KATNAL2: variants seen among roughly 807,000 people sequenced by gnomAD.
KATNAL2 encodes katanin catalytic subunit A1 like 2.
KATNAL2 carries 52 observed loss-of-function variants against 76.3 expected under a neutral mutation model. That is an observed-to-expected ratio of 0.68 (90% CI 0.55 to 0.86). The LOEUF (loss-of-function observed/expected upper bound fraction) is 0.86, where lower values mean the gene tolerates loss of function less well. Among genes scored for constraint, KATNAL2 ranks in the 40% least tolerant of loss-of-function variants. The pLI, the probability that KATNAL2 is intolerant of heterozygous loss-of-function variation, is 0.00. For synonymous variants in KATNAL2, 243 were observed against 244.2 expected (o/e 1.00, Z 0.05); for missense variants, 660 against 668.9 (o/e 0.99, Z 0.15).
intron 15 of KATNAL2, among the ~76,000 whole-genome samples, chr18:47,087,279 C>A (rs1714143038): frequency 6.6e-6 from 1 of 152,066 alleles, no homozygotes; most frequent in Non-Finnish European, 1.5e-5. Context: ...TTCACAATAG[C>A]AAAGACATGG....
chr18:47,100,813 T>A (rs1201050743), intron 17 of KATNAL2, 53 bp from the exon 18 acceptor site: 1 of 1,605,906 alleles, frequency 6.2e-7, no homozygotes, highest in Admixed American at 1.7e-5. Flanking sequence ...TTCAAGAGCA[T>A]TGATCACCAA....
At chr18:47,067,596 C>T (rs1044388899) in intron 11 of KATNAL2, among the ~76,000 whole-genome samples, 2 of 152,162 alleles carry the variant, frequency 1.3e-5, no homozygotes, top group Non-Finnish European at 2.9e-5. Flanking sequence ...CCAGCAAAGC[C>T]AGCCTGTTGT....
chr18:46,941,643 G>C (rs1390944484), intron 1 of KATNAL2, among the ~76,000 whole-genome samples: 2 of 152,222 alleles, frequency 1.3e-5, no homozygotes, highest in East Asian at 3.9e-4. Flanking sequence ...CTGTTGAGTA[G>C]TTGGGACTAT....
intron 15 of KATNAL2, among the ~76,000 whole-genome samples, chr18:47,087,099 T>C (rs780657496): frequency 1.3e-5 from 2 of 152,244 alleles, no homozygotes; most frequent in East Asian, 3.8e-4. Context: ...ACCTTTCTGG[T>C]GAAAATGGTT....
intron 4 of KATNAL2, among the ~76,000 whole-genome samples, chr18:47,048,695 C>A (rs922237480): frequency 6.6e-6 from 1 of 152,124 alleles, no homozygotes; most frequent in Non-Finnish European, 1.5e-5. Flanking sequence ...CTCTATTCAC[C>A]AGGCACTTAA....
At chr18:47,058,398 A>C (rs769315635) in intron 7 of KATNAL2, 46 bp downstream of exon 7, 2 of 1,057,156 alleles carry the variant, frequency 1.9e-6, no homozygotes, top group Non-Finnish European at 2.9e-6. Flanking sequence ...ACTTGGCTGA[A>C]AAATAGCCCT....
chr18:46,946,197 A>G lies in KATNAL2; in HGVS notation c.-369A>G. 1 of 1,029,544 alleles carries G rather than the reference A, an allele frequency of 9.7e-7. No homozygotes were observed. The highest frequency in any genetic ancestry group is 3.5e-5 in the South Asian group (1 of 28,970). The allele number at this position is 1,029,544 out of a possible 1,614,324, so 63.8% of individuals were successfully genotyped here. On this transcript the variant is annotated 5_prime_UTR_variant, in exon 2 of 18. Transcript: ENST00000683218. ...GAGAGACAGAAGGGAAAGACATTGA[A>G]GAAACAGACTAGTTAACACATGAAA...
intron 3 of KATNAL2, 66 bp from the exon 4 acceptor site, chr18:47,046,391 G>A: frequency 9.3e-7 from 1 of 1,073,216 alleles, no homozygotes; most frequent in Non-Finnish European, 1.4e-6. Flanking sequence ...TACCTTCCAG[G>A]GTTTATTGCC....
intron 1 of KATNAL2, chr18:46,920,038 C>A (rs763810230): frequency 5.4e-5 from 69 of 1,287,670 alleles, no homozygotes; most frequent in South Asian, 1.9e-4. Flanking sequence ...AAAAGAAAAG[C>A]AAAGCCCCAC....
In KATNAL2 at chr18:47,054,450, G is replaced by T; in HGVS notation, c.332+12G>T. Reference sequence around the variant, plus strand: ...GGGAAGACCAGAAGGTAAAGTGAATGGTAATTCTTCTTAATCGACTCGGCT... The same window carrying T: ...GGGAAGACCAGAAGGTAAAGTGAATTGTAATTCTTCTTAATCGACTCGGCT... On this transcript the variant is annotated intron_variant, in intron 6 of 17. Coordinates refer to ENST00000683218, the MANE Select transcript of KATNAL2 (RefSeq NM_001387690.1). The T allele has an allele frequency of 6.2e-7, 1 of 1,612,524 alleles. No homozygotes were observed. Among genetic ancestry groups the T allele is most frequent in the Non-Finnish European group, 8.5e-7 (1 of 1,178,618 alleles).
chr18:46,926,505 C>G (rs979526659), intron 1 of KATNAL2, among the ~76,000 whole-genome samples: 131 of 152,224 alleles, frequency 8.6e-4, no homozygotes, highest in African/African-American at 2.8e-3. Flanking sequence ...TTACTTCCAA[C>G]TATGTGGTCA....
intron 12 of KATNAL2, 41 bp from the exon 13 acceptor site, chr18:47,069,441 G>A (rs2061920857): frequency 6.8e-7 from 1 of 1,480,348 alleles, no homozygotes; most frequent in South Asian, 1.2e-5. Context: ...CAGGGGGATG[G>A]AGTTGAAATG....
intron 3 of KATNAL2, among the ~76,000 whole-genome samples, chr18:46,967,984 T>C (rs2060181075): frequency 8.4e-6 from 1 of 119,392 alleles, no homozygotes; most frequent in East Asian, 2.2e-4. Context: ...TGGAGTGCAG[T>C]GGAATGAGGA....
At chr18:47,070,126 C>T (rs12326600) in intron 13 of KATNAL2, among the ~76,000 whole-genome samples, 9,847 of 143,870 alleles carry the variant, frequency 0.068, 415 homozygotes, top group East Asian at 0.12. Context: ...GACGAAGTCT[C>T]GCTCTTGTCC....
At chr18:46,932,237 A>AT (rs995486526) in intron 1 of KATNAL2, among the ~76,000 whole-genome samples, 5 of 152,204 alleles carry the variant, frequency 3.3e-5, no homozygotes, top group African/African-American at 1.2e-4. Context: ...CAAGAAAAGC[A>AT]TTAGAAGACA....
At chr18:47,051,160 C>A (rs2061329644) in intron 4 of KATNAL2, among the ~76,000 whole-genome samples, 1 of 152,144 alleles carries the variant, frequency 6.6e-6, no homozygotes, top group Non-Finnish European at 1.5e-5. Context: ...TCTAGCGGCT[C>A]CTCCTGCCAA....
rs150582201 is a variant in KATNAL2, at chr18:47,059,604, A to G, written c.499A>G (p.Ile167Val). Residue 167 changes from isoleucine to valine, a missense_variant, in exon 8 of 18, where the codon ATA becomes GTA. Ile to Val is a conservative substitution (Grantham distance 29). Coordinates refer to ENST00000683218, the MANE Select transcript of KATNAL2 (RefSeq NM_001387690.1). ...GGAAAGTGCCAACTTCGGCCTACATATATCAAGAATCCGTAAAGACAGTGG... is the reference window on the plus strand; with the variant it reads ...GGAAAGTGCCAACTTCGGCCTACATGTATCAAGAATCCGTAAAGACAGTGG... ...RLESANFGLH[I>V]SRIRKDSGEE... The G allele has an allele frequency of 1.7e-5, 28 of 1,613,702 alleles. No homozygotes were observed. Among genetic ancestry groups the G allele is most frequent in the Non-Finnish European group, 2.3e-5 (27 of 1,179,698 alleles).
At chr18:46,919,986 T>C (rs1271095172) in intron 1 of KATNAL2, 1 of 1,022,486 alleles carries the variant, frequency 9.8e-7, no homozygotes, top group African/African-American at 1.7e-5. Context: ...ACAGAGGAGC[T>C]TACACCCATA....
chr18:47,075,439 T>A, intron 14 of KATNAL2, 71 bp downstream of exon 14: 1 of 1,163,096 alleles, frequency 8.6e-7, no homozygotes, highest in South Asian at 2.4e-5. Context: ...GTGTGTTTGA[T>A]GGTCGGAAGC....
Sources: gnomAD v4.1 joint callset for allele counts (sites outside exome capture counted in the v4.1 genomes callset) on GRCh38, gnomAD v4.1.1 for gene constraint, MANE v1.5 for transcripts, NCBI Gene and HGNC (gene_info 2026-07-23, HGNC 2026-07-21) for gene names.